PTGR1: variants seen among roughly 807,000 people sequenced by gnomAD.
PTGR1 encodes the protein 15-oxoprostaglandin 13-reductase.
PTGR1 carries 23 observed loss-of-function variants against 37.7 expected under a neutral mutation model. The ratio of observed to expected loss-of-function variants is 0.61; its 90% CI spans 0.44 to 0.86. The LOEUF (loss-of-function observed/expected upper bound fraction) is 0.86, where lower values mean the gene tolerates loss of function less well. Among genes scored for constraint, PTGR1 ranks in the 40% least tolerant of loss-of-function variants. The pLI is 0.00. For missense variants in PTGR1, 351 were observed against 394.3 expected (o/e 0.89, Z 0.93); for synonymous variants, 134 against 140.0 (o/e 0.96, Z 0.30).
chr9:111,556,294 A>G (rs567394387), intron 9 of PTGR1, among the ~76,000 whole-genome samples: 2 of 152,314 alleles, frequency 1.3e-5, no homozygotes, highest in South Asian at 2.1e-4. Context: ...TACAATTCCC[A>G]TGGCTGCTCT....
rs540377477 is a variant in PTGR1 at position 111,563,241 on chromosome 9, A to G, written c.880-10T>C. ...TGTACTGGATTTTACCCTGTATCAA[A>G]GCAACAACAAATTTTAAAACTTAAT... On this transcript the variant is annotated splice_polypyrimidine_tract_variant and intron_variant, in intron 9 of 9. Transcript: ENST00000407693. The G allele has an allele frequency of 3.4e-5, 55 of 1,606,720 alleles. No individual in the cohort carries two copies. The South Asian group carries it at 5.7e-4, about 17-fold the overall frequency.
At chr9:111,594,546 A>ATT (rs1554820447) in intron 2 of PTGR1, among the ~76,000 whole-genome samples, 4 of 127,408 alleles carry the variant, frequency 3.1e-5, no homozygotes, top group East Asian at 2.3e-4. Context: ...CGTTTTTGGC[A>ATT]TTCTTTTTTT....
intron 8 of PTGR1, among the ~76,000 whole-genome samples, chr9:111,573,743 A>C (rs995874404): frequency 2.6e-5 from 4 of 151,992 alleles, no homozygotes; most frequent in Non-Finnish European, 5.9e-5. Flanking sequence ...TCCTCTCCAC[A>C]CCCATAAAAT....
chr9:111,591,182 T>C (rs1829604236), intron 4 of PTGR1, among the ~76,000 whole-genome samples: 2 of 151,282 alleles, frequency 1.3e-5, no homozygotes, highest in Non-Finnish European at 2.9e-5. Flanking sequence ...TCCCAGCTAC[T>C]TGGGAGGCTG....
intron 7 of PTGR1, chr9:111,576,546 T>G: frequency 8.2e-7 from 1 of 1,223,546 alleles, no homozygotes; most frequent in South Asian, 1.5e-5. Context: ...CTGGGGGTAT[T>G]AGCTAGTGGA....
chr9:111,580,262 C>G (rs1829239519), intron 6 of PTGR1, among the ~76,000 whole-genome samples: 1 of 152,182 alleles, frequency 6.6e-6, no homozygotes, highest in South Asian at 2.1e-4. Context: ...CTGTAGGTCC[C>G]TCATAAATAG....
intron 7 of PTGR1, among the ~76,000 whole-genome samples, chr9:111,578,589 C>T (rs926065961): frequency 5.9e-5 from 9 of 152,028 alleles, no homozygotes; most frequent in Non-Finnish European, 8.8e-5. Context: ...TGAGAAGAGG[C>T]GGAGCTCAGG....
chr9:111,568,437 C>T (rs998767496), intron 9 of PTGR1, among the ~76,000 whole-genome samples: 3 of 152,170 alleles, frequency 2.0e-5, no homozygotes, highest in Non-Finnish European at 4.4e-5. Flanking sequence ...TGGTTCTCTG[C>T]TTTCGAACCC....
intron 1 of PTGR1, among the ~76,000 whole-genome samples, chr9:111,598,357 T>C (rs1829845071): frequency 6.6e-6 from 1 of 152,172 alleles, no homozygotes; most frequent in Non-Finnish European, 1.5e-5. Context: ...CATTTGGAGC[T>C]GCCAGTGATC....
chr9:111,570,281 CA>C, intron 8 of PTGR1, 72 bp from the exon 9 acceptor site: 1 of 1,526,658 alleles, frequency 6.6e-7, no homozygotes, highest in South Asian at 1.3e-5. Context: ...CAGTACAGGT[CA>C]CTGTCACTGT....
chr9:111,566,123 A>C (rs1425312876), intron 9 of PTGR1, among the ~76,000 whole-genome samples: 1 of 152,112 alleles, frequency 6.6e-6, no homozygotes, highest in East Asian at 1.9e-4. Flanking sequence ...GAATCACTCG[A>C]ACCCAGGAAG....
intron 1 of PTGR1, among the ~76,000 whole-genome samples, chr9:111,598,187 C>CG (rs1306441595): frequency 2.0e-5 from 3 of 152,128 alleles, no homozygotes; most frequent in African/African-American, 7.2e-5. Flanking sequence ...CACACCAAAC[C>CG]GATTTTGAGC....
At chr9:111,551,686 A>G (rs1219741756) in intron 9 of PTGR1, among the ~76,000 whole-genome samples, 1 of 151,994 alleles carries the variant, frequency 6.6e-6, no homozygotes, top group Non-Finnish European at 1.5e-5. Flanking sequence ...ACAGGTGTGA[A>G]CCGCCACACA....
intron 4 of PTGR1, among the ~76,000 whole-genome samples, chr9:111,590,191 A>G (rs1829567979): frequency 6.6e-6 from 1 of 152,236 alleles, no homozygotes; most frequent in South Asian, 2.1e-4. Context: ...GATAATCCAC[A>G]GAAGAAAATT....
intron 8 of PTGR1, among the ~76,000 whole-genome samples, chr9:111,570,595 C>T (rs1828773807): frequency 6.6e-6 from 1 of 151,424 alleles, no homozygotes; most frequent in African/African-American, 2.4e-5. Flanking sequence ...ATAGTGAAAC[C>T]CCCGTCTCTT....
At chr9:111,587,567 T>A (rs1391102824) in intron 4 of PTGR1, among the ~76,000 whole-genome samples, 1 of 152,186 alleles carries the variant, frequency 6.6e-6, no homozygotes, top group Non-Finnish European at 1.5e-5. Context: ...TTCTCCTGCC[T>A]CAGCCTCCCA....
At position 111,564,591 on chromosome 9, in the gene PTGR1, C is replaced by T. The variant is rs536065667; in HGVS notation, c.880-1360G>A. Among the ~76,000 whole-genome samples, 7 of 151,948 alleles carry T rather than the reference C, an allele frequency of 4.6e-5. No homozygotes were observed. In the South Asian group the frequency reaches 1.5e-3, roughly 32 times the overall value. On this transcript the variant is annotated intron_variant, in intron 9 of 9. Transcript: ENST00000407693. ...AAAGTGCTAGGATTACAGGCATGAG[C>T]CACTGCGCCTGGCTGAGATTTGAAC...
chr9:111,596,386 G>A lies in PTGR1; in HGVS notation c.106+931C>T, dbSNP rs1333784786. On this transcript the variant is annotated intron_variant, in intron 2 of 9. Coordinates refer to ENST00000407693, the MANE Select transcript of PTGR1 (RefSeq NM_001146108.2). ...TCCCAGCACTTTGGGAGGTCAAGGC[G>A]GGCTGATCATCTAAGGTCAGGAGTT... 4.6e-5 allele frequency among the ~76,000 whole-genome samples: 7 copies of A among 151,734 alleles called. No individual in the cohort carries two copies. The East Asian group carries it at 5.9e-4, about 13-fold the overall frequency.
intron 4 of PTGR1, chr9:111,592,674 A>G: frequency 2.3e-6 from 1 of 441,986 alleles, no homozygotes; most frequent in Non-Finnish European, 3.9e-6. Context: ...GACCTGGACA[A>G]ATACTTTTTT....
Sources: gnomAD v4.1 joint callset for allele counts (sites outside exome capture counted in the v4.1 genomes callset) on GRCh38, gnomAD v4.1.1 for gene constraint, MANE v1.5 for transcripts, NCBI Gene and HGNC (gene_info 2026-07-23, HGNC 2026-07-21) for gene names.